The following CAPZB variants were observed in gnomAD, a reference collection of about 807,000 sequenced individuals.
The protein encoded by CAPZB is F-actin-capping protein subunit beta.
Under a neutral mutation model 38.1 loss-of-function variants are expected in CAPZB, and 2 were observed. The ratio of observed to expected loss-of-function variants is 0.05; its 90% CI spans 0.02 to 0.17. CAPZB has a LOEUF of 0.17. Ranked by LOEUF, CAPZB falls within the 10% of genes least tolerant of loss-of-function variation. The probability of loss-of-function intolerance (pLI) is 1.00; values close to 1 mark genes in which losing one functional copy is unlikely to be tolerated. For missense variants in CAPZB, 161 were observed against 334.2 expected (o/e 0.48, Z 4.04); for synonymous variants, 107 against 127.4 (o/e 0.84, Z 1.08).
rs527941556 is a variant in CAPZB, at chr1:19,449,310, G to A, written c.4-29560C>T. 2.9e-4 allele frequency: 301 copies of A among 1,034,490 alleles called. No homozygotes were observed. The African/African-American group carries it at 4.4e-3, about 15-fold the overall frequency. 64.1% of individuals were successfully genotyped at this position (1,034,490 alleles called of 1,614,324 possible). ...GAAATGCACTGGCCTGGCGAGATGCGAGTCACGGTCAGGCATGGAGCTGAG... is the reference window on the plus strand; with the variant it reads ...GAAATGCACTGGCCTGGCGAGATGCAAGTCACGGTCAGGCATGGAGCTGAG... On this transcript the variant is annotated intron_variant, in intron 1 of 8. Coordinates refer to ENST00000264202, the MANE Select transcript of CAPZB (RefSeq NM_004930.5).
intron 4 of CAPZB, among the ~76,000 whole-genome samples, chr1:19,369,883 C>G (rs115181640): frequency 1.3e-5 from 2 of 152,146 alleles, no homozygotes; most frequent in Non-Finnish European, 2.9e-5. Context: ...CCGTTTCCAG[C>G]GGTGGAAAAA....
At chr1:19,344,218 A>G (rs2093948418) in intron 8 of CAPZB, 140 bp downstream of exon 8, 1 of 677,440 alleles carries the variant, frequency 1.5e-6, no homozygotes, top group East Asian at 2.7e-5. Flanking sequence ...CAAAATCAAC[A>G]TAATGATCAT....
At chr1:19,465,406 C>T (rs2094565816) in intron 1 of CAPZB, among the ~76,000 whole-genome samples, 1 of 152,200 alleles carries the variant, frequency 6.6e-6, no homozygotes, top group Admixed American at 6.5e-5. Context: ...ACGGACTTCC[C>T]AGCCTTCAGA....
Position 19,362,771 on chromosome 1 carries a change from C to T in CAPZB, c.330-5208G>A, listed in dbSNP as rs146982995. ...GGCAGCACAGGGCTGAAATCAATCCCCACAGTCAAGAGGCTGAATGACATG... is the reference window on the plus strand; with the variant it reads ...GGCAGCACAGGGCTGAAATCAATCCTCACAGTCAAGAGGCTGAATGACATG... On this transcript the variant is annotated intron_variant, in intron 4 of 8. Transcript: ENST00000264202. Among the ~76,000 whole-genome samples, 872 of 152,320 alleles carry T rather than the reference C, an allele frequency of 5.7e-3. 11 individuals carry two copies. The highest frequency in any genetic ancestry group is 0.02 in the Admixed American group (300 of 15,302).
chr1:19,475,647 C>T (rs1570372871), intron 1 of CAPZB, among the ~76,000 whole-genome samples: 1 of 152,152 alleles, frequency 6.6e-6, no homozygotes, highest in East Asian at 1.9e-4. Flanking sequence ...CAGGCTTGGC[C>T]GAGAGCTCAG....
chr1:19,369,818 G>A (rs986775165), intron 4 of CAPZB, among the ~76,000 whole-genome samples: 27 of 152,194 alleles, frequency 1.8e-4, no homozygotes, highest in Admixed American at 7.9e-4. Flanking sequence ...AGCATTCTCC[G>A]TTACTCCCCT....
At chr1:19,471,949 T>C (rs1178388904) in intron 1 of CAPZB, among the ~76,000 whole-genome samples, 1 of 150,608 alleles carries the variant, frequency 6.6e-6, no homozygotes, top group East Asian at 1.9e-4. Context: ...TCACAGATAG[T>C]ATGTAACCAA....
chr1:19,385,780 CAT>C (rs1488636204), intron 2 of CAPZB, 154 bp from the exon 3 acceptor site: 1 of 859,872 alleles, frequency 1.2e-6, no homozygotes, highest in Admixed American at 1.7e-5. Flanking sequence ...TTCTTTTCCA[CAT>C]GTGTCTGACA....
intron 2 of CAPZB, among the ~76,000 whole-genome samples, chr1:19,390,033 C>G (rs1449717409): frequency 1.3e-5 from 2 of 152,234 alleles, no homozygotes; most frequent in Non-Finnish European, 2.9e-5. Flanking sequence ...CCCGCTGCAG[C>G]AGGGATCAGT....
intron 1 of CAPZB, among the ~76,000 whole-genome samples, chr1:19,426,186 C>T (rs1207821441): frequency 6.6e-6 from 1 of 152,194 alleles, no homozygotes; most frequent in Non-Finnish European, 1.5e-5. Flanking sequence ...GAGCTAGGCT[C>T]AGAATCTCAC....
intron 1 of CAPZB, among the ~76,000 whole-genome samples, chr1:19,469,028 A>G (rs2094577705): frequency 6.6e-6 from 1 of 152,194 alleles, no homozygotes; most frequent in Admixed American, 6.5e-5. Flanking sequence ...CCATATAGCG[A>G]CGGCAAGTAC....
At chr1:19,397,094 G>A (rs963505735) in intron 2 of CAPZB, among the ~76,000 whole-genome samples, 1 of 152,148 alleles carries the variant, frequency 6.6e-6, no homozygotes, top group South Asian at 2.1e-4. Context: ...TAATTTCACA[G>A]AGGATCTCTG....
intron 6 of CAPZB, among the ~76,000 whole-genome samples, chr1:19,349,688 C>G (rs1055444700): frequency 5.9e-5 from 9 of 152,152 alleles, no homozygotes; most frequent in Non-Finnish European, 8.8e-5. Flanking sequence ...CGACACTGTC[C>G]CCAGGAGCAG....
chr1:19,441,707 G>A (rs1169562596), intron 1 of CAPZB, among the ~76,000 whole-genome samples: 4 of 151,446 alleles, frequency 2.6e-5, no homozygotes, highest in African/African-American at 7.3e-5. Context: ...AGCACCAAGC[G>A]GCTCAAAAGC....
At chr1:19,460,425 C>T (rs2094547286) in intron 1 of CAPZB, among the ~76,000 whole-genome samples, 2 of 152,010 alleles carry the variant, frequency 1.3e-5, no homozygotes, top group Admixed American at 6.6e-5. Flanking sequence ...TACAGGTGCC[C>T]GCCACCGCGC....
intron 2 of CAPZB, among the ~76,000 whole-genome samples, chr1:19,408,224 G>A (rs114928095): frequency 0.014 from 2,166 of 152,360 alleles, 23 homozygotes; most frequent in Admixed American, 0.022. Flanking sequence ...CTCTAGGCTG[G>A]TGGAACCCAG....
intron 2 of CAPZB, among the ~76,000 whole-genome samples, chr1:19,410,092 G>A (rs2094350845): frequency 6.6e-6 from 1 of 152,208 alleles, no homozygotes; most frequent in Non-Finnish European, 1.5e-5. Flanking sequence ...TTCCATTACT[G>A]AGTCTGTTTC....
chr1:19,356,655 C>T lies in CAPZB; in HGVS notation c.568G>A (p.Gly190Arg), dbSNP rs1404652678. 2.5e-6 allele frequency: 4 copies of T among 1,613,560 alleles called. No homozygotes were observed. The highest frequency in any genetic ancestry group is 3.4e-6 in the Non-Finnish European group (4 of 1,179,616). The change falls in exon 6 of 9, where the codon GGA (glycine) becomes AGA (arginine). Residue 190 changes from glycine (G) to arginine (R), a missense_variant. Transcript: ENST00000264202. The surrounding 1 kb of genome is among the most constrained non-coding windows in gnomAD (Gnocchi z 4.3). ...TCTACCTGTCTGGTAAGGCTGCCTC[C>T]GAGGTTCATGGTGCCAGAGCCAGAT... ...NKSGSGTMNL[G>R]GSLTRQMEKD...
intron 2 of CAPZB, among the ~76,000 whole-genome samples, chr1:19,416,852 C>A (rs574862500): frequency 6.9e-4 from 64 of 93,244 alleles, no homozygotes; most frequent in African/African-American, 3.9e-3. Context: ...CAGAGCAAGA[C>A]CCTGTCTCAA....
Sources: gnomAD v4.1 joint callset for allele counts (sites outside exome capture counted in the v4.1 genomes callset) on GRCh38, gnomAD v4.1.1 for gene constraint, Gnocchi (gnomAD v3.1) non-coding constraint, MANE v1.5 for transcripts, NCBI Gene and HGNC (gene_info 2026-07-23, HGNC 2026-07-21) for gene names.